NKAIN2: variants seen among roughly 807,000 people sequenced by gnomAD.
NKAIN2 encodes the protein sodium/potassium transporting ATPase interacting 2.
Under a neutral mutation model 32.6 loss-of-function variants are expected in NKAIN2, and 14 were observed. The ratio of observed to expected loss-of-function variants is 0.43; its 90% CI spans 0.28 to 0.67. NKAIN2 has a LOEUF of 0.67. Ranked by LOEUF, NKAIN2 falls within the 30% of genes least tolerant of loss-of-function variation. The pLI is 0.17. For missense variants in NKAIN2, 198 were observed against 258.3 expected (o/e 0.77, Z 1.60); for synonymous variants, 80 against 87.2 (o/e 0.92, Z 0.46).
chr6:124,404,385 A>G (rs183725255), intron 3 of NKAIN2, among the ~76,000 whole-genome samples: 6 of 152,254 alleles, frequency 3.9e-5, no homozygotes, highest in South Asian at 2.1e-4. Context: ...GAAGCTGCCA[A>G]TGTTTCCTCT....
At chr6:124,246,933 T>C (rs1468354697) in intron 1 of NKAIN2, among the ~76,000 whole-genome samples, 1 of 152,066 alleles carries the variant, frequency 6.6e-6, no homozygotes, top group Non-Finnish European at 1.5e-5. Context: ...ACCAAGATGT[T>C]TACAGGACGG....
rs12211571 is a variant in NKAIN2, at chr6:124,028,840, T to C, written c.54+224586T>C. 6.5e-3 allele frequency among the ~76,000 whole-genome samples: 922 copies of C among 141,154 alleles called. 6 individuals carry two copies. The highest frequency in any genetic ancestry group is 0.024 in the African/African-American group (872 of 35,932). The allele number at this position is 141,154 out of a possible 152,430, so 92.6% of individuals were successfully genotyped here. A position where few individuals can be genotyped will look rare whatever the true frequency, so the allele number is the denominator to read the frequency against. On this transcript the variant is annotated intron_variant, in intron 1 of 6. Coordinates refer to ENST00000368417, the MANE Select transcript of NKAIN2 (RefSeq NM_001040214.3). The stretch of plus-strand genomic sequence containing the variant: ...ATATGTGTATATATATACATATATA[T>C]GTATATATGTGTGTGTCTATATATA...
At chr6:124,660,795 G>T (rs937049265) in intron 4 of NKAIN2, among the ~76,000 whole-genome samples, 1 of 152,198 alleles carries the variant, frequency 6.6e-6, no homozygotes, top group African/African-American at 2.4e-5. Context: ...TATCTAGCCA[G>T]CTTTGGGTTG....
At chr6:123,866,634 G>A (rs923611386) in intron 1 of NKAIN2, among the ~76,000 whole-genome samples, 3 of 152,050 alleles carry the variant, frequency 2.0e-5, no homozygotes, top group Non-Finnish European at 4.4e-5. Context: ...GTTTCACCGC[G>A]TTAGCCAGGA....
At chr6:123,911,826 C>T (rs867014435) in intron 1 of NKAIN2, among the ~76,000 whole-genome samples, 1,583 of 68,074 alleles carry the variant, frequency 0.023, 121 homozygotes, top group East Asian at 0.054. Context: ...CACACACACA[C>T]ACACACACAC....
intron 3 of NKAIN2, among the ~76,000 whole-genome samples, chr6:124,636,135 A>T (rs760919876): frequency 3.3e-5 from 5 of 151,924 alleles, no homozygotes; most frequent in Non-Finnish European, 5.9e-5. Flanking sequence ...AAATAACAAA[A>T]AAAAGGAACT....
At chr6:124,113,523 A>G (rs544971160) in intron 1 of NKAIN2, among the ~76,000 whole-genome samples, 1 of 152,078 alleles carries the variant, frequency 6.6e-6, no homozygotes, top group Admixed American at 6.6e-5. Flanking sequence ...CCAGCCCAAG[A>G]TGTTGCCTGC....
rs1220545046 is a variant in NKAIN2 at position 124,824,907 on chromosome 6, G to A, written c.*1678G>A. On this transcript the variant is annotated 3_prime_UTR_variant, in exon 7 of 7. Coordinates refer to ENST00000368417, the MANE Select transcript of NKAIN2 (RefSeq NM_001040214.3). ...ACATATACATTTGAAAATGATAGAG[G>A]AACAAAGAGTTATCATTGGAACATA... 2 of 152,332 alleles carry A rather than the reference G, an allele frequency of 1.3e-5. No individual in the cohort carries two copies. Among genetic ancestry groups the A allele is most frequent in the Non-Finnish European group, 2.9e-5 (2 of 68,020 alleles). 9.4% of individuals were successfully genotyped at this position (152,332 alleles called of 1,614,324 possible). A position where few individuals can be genotyped will look rare whatever the true frequency, so the allele number is the denominator to read the frequency against.
chr6:124,177,604 C>T (rs962490473), intron 1 of NKAIN2, among the ~76,000 whole-genome samples: 6 of 152,090 alleles, frequency 3.9e-5, no homozygotes, highest in Admixed American at 2.6e-4. Context: ...TTGTGTTTTA[C>T]GTACATTGTT....
At chr6:124,008,504 T>TG (rs1780180312) in intron 1 of NKAIN2, among the ~76,000 whole-genome samples, 1 of 27,774 alleles carries the variant, frequency 3.6e-5, no homozygotes, top group African/African-American at 3.1e-4. Flanking sequence ...GCACCCTTGG[T>TG]AAAAGGAAAT....
intron 1 of NKAIN2, among the ~76,000 whole-genome samples, chr6:124,057,636 T>C (rs555814183): frequency 6.6e-6 from 1 of 151,074 alleles, no homozygotes; most frequent in South Asian, 2.1e-4. Flanking sequence ...AATGCCCTCC[T>C]CTTTTTTTTT....
intron 4 of NKAIN2, among the ~76,000 whole-genome samples, chr6:124,701,732 T>C (rs1562332286): frequency 1.7e-5 from 1 of 58,758 alleles, no homozygotes. Flanking sequence ...AAAGTTTGAG[T>C]CTTAGTATTT....
intron 1 of NKAIN2, among the ~76,000 whole-genome samples, chr6:124,068,168 A>T (rs115525897): frequency 1.2e-4 from 19 of 152,294 alleles, no homozygotes; most frequent in Non-Finnish European, 2.5e-4. Flanking sequence ...TAACCACACT[A>T]TTAATAATAA....
At chr6:124,735,273 C>G (rs916367073) in intron 4 of NKAIN2, among the ~76,000 whole-genome samples, 31 of 151,818 alleles carry the variant, frequency 2.0e-4, no homozygotes, top group African/African-American at 7.5e-4. Context: ...AATCTTGGCT[C>G]TGCCAAGGTG....
At chr6:124,680,088 A>G (rs1358214813) in intron 4 of NKAIN2, among the ~76,000 whole-genome samples, 2 of 152,216 alleles carry the variant, frequency 1.3e-5, no homozygotes, top group African/African-American at 4.8e-5. Context: ...CAATAATAAC[A>G]AATTGTTGTT....
chr6:124,347,122 G>C (rs1472593884), intron 2 of NKAIN2, among the ~76,000 whole-genome samples: 1 of 152,068 alleles, frequency 6.6e-6, no homozygotes, highest in East Asian at 1.9e-4. Context: ...ATGAAATTCT[G>C]GCTTGAAAAT....
At chr6:124,082,229 A>G (rs1350452320) in intron 1 of NKAIN2, among the ~76,000 whole-genome samples, 2 of 152,084 alleles carry the variant, frequency 1.3e-5, no homozygotes, top group African/African-American at 2.4e-5. Context: ...TAGTCTTTCC[A>G]CTGTATTCTT....
At chr6:124,277,427 TCG>T (rs1491493810) in intron 1 of NKAIN2, among the ~76,000 whole-genome samples, 1 of 126,740 alleles carries the variant, frequency 7.9e-6, no homozygotes, top group Non-Finnish European at 1.6e-5. Flanking sequence ...TGTCTGTGTG[TCG>T]TGTGTGTGTG....
chr6:124,233,090 T>C (rs895044417), intron 1 of NKAIN2, among the ~76,000 whole-genome samples: 1 of 152,068 alleles, frequency 6.6e-6, no homozygotes, highest in Non-Finnish European at 1.5e-5. Context: ...TGGGCTACAG[T>C]TGGATGACCT....
Sources: gnomAD v4.1 joint callset for allele counts (sites outside exome capture counted in the v4.1 genomes callset) on GRCh38, gnomAD v4.1.1 for gene constraint, MANE v1.5 for transcripts, NCBI Gene and HGNC (gene_info 2026-07-23, HGNC 2026-07-21) for gene names.